The following LAMA3 variants were observed in gnomAD, a reference collection of about 807,000 sequenced individuals.
LAMA3 encodes the protein laminin subunit alpha 3, also known as laminin subunit alpha-3.
A neutral mutation model predicts 402.0 loss-of-function variants in LAMA3; 281 were observed. The ratio of observed to expected loss-of-function variants is 0.70; its 90% CI spans 0.63 to 0.77. LAMA3 has a LOEUF of 0.77. Among genes scored for constraint, LAMA3 ranks in the 30% least tolerant of loss-of-function variants. The probability of loss-of-function intolerance (pLI) is 0.00; values close to 1 mark genes in which losing one functional copy is unlikely to be tolerated. For synonymous variants in LAMA3, 1,431 were observed against 1,558.4 expected, an observed-to-expected ratio of 0.92 and a Z score of 1.93; for missense variants, 3,840 against 4,215.5, an observed-to-expected ratio of 0.91 and a Z score of 2.47.
intron 12 of LAMA3, among the ~76,000 whole-genome samples, chr18:23,805,977 GTTAGAC>G (rs1361403201): frequency 1.3e-5 from 2 of 152,164 alleles, no homozygotes; most frequent in Non-Finnish European, 2.9e-5. Context: ...TATGTTTCAA[GTTAGAC>G]TTGTTCATTT....
chr18:23,857,568 C>T (rs1200248795), intron 32 of LAMA3, among the ~76,000 whole-genome samples: 4 of 152,234 alleles, frequency 2.6e-5, no homozygotes, highest in African/African-American at 7.2e-5. Flanking sequence ...CCTCCAGGCT[C>T]GGGGGCCATG....
In LAMA3 at chr18:23,689,663, G is replaced by C; in HGVS notation, c.-21G>C. ...GAGCCCCTCTGCGGACGGCTCAGGC[G>C]GGAGGACCCCGCGCGGCTGGATGGC... is the stretch of plus-strand genomic sequence containing the variant. On this transcript the variant is annotated 5_prime_UTR_variant, in exon 1 of 75. Transcript: ENST00000313654. The C allele has an allele frequency of 1.5e-6, 2 of 1,306,824 alleles. No individual in the cohort carries two copies. Among genetic ancestry groups the C allele is most frequent in the South Asian group, 2.3e-5 (1 of 43,156 alleles). 81.0% of individuals were successfully genotyped at this position (1,306,824 alleles called of 1,614,324 possible).
intron 65 of LAMA3, 121 bp from the exon 66 acceptor site, chr18:23,932,039 T>C: frequency 8.4e-7 from 1 of 1,192,006 alleles, no homozygotes; most frequent in Non-Finnish European, 1.2e-6. Context: ...TAAAGTCTAG[T>C]TTCACTAGTT....
intron 12 of LAMA3, among the ~76,000 whole-genome samples, chr18:23,808,359 T>G (rs1398018630): frequency 1.3e-5 from 2 of 152,194 alleles, no homozygotes; most frequent in Non-Finnish European, 2.9e-5. Flanking sequence ...TTATTTTATT[T>G]GTATTATTTT....
At chr18:23,698,702 G>A (rs1035708522) in intron 1 of LAMA3, among the ~76,000 whole-genome samples, 5 of 152,208 alleles carry the variant, frequency 3.3e-5, no homozygotes, top group East Asian at 1.9e-4. Flanking sequence ...GGAGACAAGC[G>A]TGCCCACGCA....
At chr18:23,903,534 TA>T (rs553121510) in intron 49 of LAMA3, among the ~76,000 whole-genome samples, 58 of 152,242 alleles carry the variant, frequency 3.8e-4, no homozygotes, top group Non-Finnish European at 7.6e-4. Context: ...CTTTAAGTTT[TA>T]GGGTACATGT....
chr18:23,953,154 T>C, intron 74 of LAMA3, 45 bp downstream of exon 74: 6 of 1,610,766 alleles, frequency 3.7e-6, no homozygotes, highest in Non-Finnish European at 5.1e-6. Flanking sequence ...CTGTGTCAGC[T>C]CTGAACATTC....
chr18:23,862,192 T>C (rs2064240467), intron 35 of LAMA3, among the ~76,000 whole-genome samples: 1 of 152,232 alleles, frequency 6.6e-6, no homozygotes, highest in Non-Finnish European at 1.5e-5. Flanking sequence ...AGCCTCTTTG[T>C]TAGGAAAACG....
intron 11 of LAMA3, among the ~76,000 whole-genome samples, chr18:23,779,871 C>T (rs1348021704): frequency 6.6e-6 from 1 of 152,126 alleles, no homozygotes; most frequent in African/African-American, 2.4e-5. Flanking sequence ...TGCTTCTGCC[C>T]TACCCACACT....
At chr18:23,732,055 A>T (rs1245187270) in intron 2 of LAMA3, among the ~76,000 whole-genome samples, 1 of 152,198 alleles carries the variant, frequency 6.6e-6, no homozygotes, top group South Asian at 2.1e-4. Flanking sequence ...AAGGGTGTGT[A>T]TTATGGGCTG....
intron 64 of LAMA3, 102 bp from the exon 65 acceptor site, chr18:23,930,960 C>T: frequency 8.5e-7 from 1 of 1,182,490 alleles, no homozygotes. Flanking sequence ...GTCAAAACAT[C>T]CTGATTGTTT....
chr18:23,895,646 C>A (rs1022235957), intron 44 of LAMA3, among the ~76,000 whole-genome samples: 5 of 152,024 alleles, frequency 3.3e-5, no homozygotes, highest in African/African-American at 9.7e-5. Context: ...TATAAAGATG[C>A]CTTCTTATTC....
At position 23,894,938 on chromosome 18, in the gene LAMA3, C is replaced by T. The variant is rs199982757; in HGVS notation, c.5493C>T (p.Asn1831=). The T allele has an allele frequency of 7.7e-5, 124 of 1,614,212 alleles. No homozygotes were observed. Among genetic ancestry groups the T allele is most frequent in the Admixed American group, 1.3e-4 (8 of 60,028 alleles). The change falls in exon 44 of 75, where the codon AAC becomes AAT. Residue 1831 remains asparagine (N), a synonymous_variant. Coordinates refer to ENST00000313654, the MANE Select transcript of LAMA3 (RefSeq NM_198129.4). ...ACAGCTGTGTGATGACCCTCCTGAA[C>T]GACCTGGCCACCATGGGCGAGCAGC... ...DCDSCVMTLL[N]DLATMGEQLR...
intron 70 of LAMA3, among the ~76,000 whole-genome samples, chr18:23,948,628 A>G (rs949745194): frequency 1.3e-5 from 2 of 150,628 alleles, no homozygotes; most frequent in Non-Finnish European, 3.0e-5. Context: ...GGAGTGCAGT[A>G]GTACGATCTC....
Position 23,846,480 on chromosome 18 carries a change from AG to A in LAMA3, c.3905del (p.Gly1302AlafsTer21), listed in dbSNP as rs1255469716. 6.2e-7 allele frequency: 1 copy of A among 1,611,750 alleles called. No individual in the cohort carries two copies. The highest frequency in any genetic ancestry group is 8.5e-7 in the Non-Finnish European group (1 of 1,180,014). Reference sequence around the variant, plus strand: ...GGCGGCAGTGCACCCGCTGTGCAACAGGCCACTACGGATTCCCACGCTGCAA... The same window carrying A: ...GGCGGCAGTGCACCCGCTGTGCAACAGCCACTACGGATTCCCACGCTGCAA... ...IGRQCTRCAT[G>X]HYGFPRCKPC... On this transcript the variant is annotated frameshift_variant, in exon 31 of 75. Transcript: ENST00000313654. LOFTEE classifies it high-confidence loss of function.
intron 23 of LAMA3, among the ~76,000 whole-genome samples, chr18:23,831,025 T>C (rs2063480916): frequency 6.6e-6 from 1 of 152,208 alleles, no homozygotes. Flanking sequence ...ACTTCTCCAA[T>C]TCTTTCCCGC....
At chr18:23,794,098 A>G (rs2062716577) in intron 12 of LAMA3, among the ~76,000 whole-genome samples, 1 of 152,232 alleles carries the variant, frequency 6.6e-6, no homozygotes, top group African/African-American at 2.4e-5. Flanking sequence ...GAACCTCCCC[A>G]CATGTTCAGC....
intron 70 of LAMA3, among the ~76,000 whole-genome samples, chr18:23,947,100 A>G (rs1471806098): frequency 6.6e-6 from 1 of 152,212 alleles, no homozygotes; most frequent in Non-Finnish European, 1.5e-5. Context: ...CTCTGTCCCC[A>G]GAGAGGAGGG....
In LAMA3 at chr18:23,899,040, T is replaced by A. The variant is rs779455721; in HGVS notation, c.5811T>A (p.Ile1937=). ...TQSAKELDVK[I]KNVIRNVHIL... ...GCGCAAAAGAACTGGATGTGAAGATTAAAAATGTCATCCGGAATGTGCACA... is the reference window on the plus strand; with the variant it reads ...GCGCAAAAGAACTGGATGTGAAGATAAAAAATGTCATCCGGAATGTGCACA... The change falls in exon 46 of 75, where the codon ATT becomes ATA. Residue 1937 remains isoleucine, a synonymous_variant. Transcript: ENST00000313654. 1 of 1,613,732 alleles carries A rather than the reference T, an allele frequency of 6.2e-7. No individual in the cohort carries two copies. Among genetic ancestry groups the A allele is most frequent in the Non-Finnish European group, 8.5e-7 (1 of 1,179,648 alleles).
Sources: allele counts gnomAD v4.1 joint callset (sites outside exome capture counted in the v4.1 genomes callset), GRCh38; gene constraint gnomAD v4.1.1; transcripts MANE v1.5; gene names NCBI Gene and HGNC (gene_info 2026-07-23, HGNC 2026-07-21).